The following SATB1 variants were observed in gnomAD, a reference collection of about 807,000 sequenced individuals.
SATB1 encodes the protein SATB homeobox 1, also known as DNA-binding protein SATB1.
SATB1 carries 11 observed loss-of-function variants against 86.9 expected under a neutral mutation model. The observed-to-expected ratio is 0.13, with a 90% confidence interval of 0.08 to 0.21. SATB1 has a LOEUF of 0.21. SATB1 is among the 10% of genes least tolerant of loss of function. The probability of loss-of-function intolerance (pLI) is 1.00; values close to 1 mark genes in which losing one functional copy is unlikely to be tolerated. For missense variants in SATB1, 551 were observed against 937.6 expected, an observed-to-expected ratio of 0.59 and a Z score of 5.39; for synonymous variants, 357 against 357.2, an observed-to-expected ratio of 1.00 and a Z score of 0.01.
At chr3:18,415,815 G>T (rs533536444) in intron 4 of SATB1, among the ~76,000 whole-genome samples, 192 bp downstream of exon 4, 7 of 151,970 alleles carry the variant, frequency 4.6e-5, no homozygotes, top group African/African-American at 1.4e-4. Context: ...GTGTGTGGGG[G>T]GGGGGATTGC....
intron 2 of SATB1, chr3:18,417,535 CA>C: frequency 3.3e-6 from 2 of 613,350 alleles, no homozygotes; most frequent in Non-Finnish European, 5.8e-6. Flanking sequence ...GGTTTGTGTC[CA>C]AACAAATTAT....
At chr3:18,387,247 T>C (rs28448447) in intron 7 of SATB1, among the ~76,000 whole-genome samples, 51,751 of 152,136 alleles carry the variant, frequency 0.34, 9,551 homozygotes, top group Admixed American at 0.47. Context: ...TTCTAAATAC[T>C]ATCTTGCTGT....
rs187101591 is a variant in SATB1 at position 18,415,282 on chromosome 3, C to T, written c.516-48G>A. ...AGGGGATTATTACAAGATTGCATCCCGCTGCAGAACATTCCTTTAAGACAG... is the reference window on the plus strand; with the variant it reads ...AGGGGATTATTACAAGATTGCATCCTGCTGCAGAACATTCCTTTAAGACAG... On this transcript the variant is annotated intron_variant, in intron 4 of 10. Transcript: ENST00000338745. 2.3e-5 allele frequency: 37 copies of T among 1,606,012 alleles called. 2 individuals are homozygous for T. The South Asian group carries it at 3.3e-4, about 14-fold the overall frequency.
intron 3 of SATB1, among the ~76,000 whole-genome samples, chr3:18,416,675 T>A (rs1192624708): frequency 6.6e-6 from 1 of 152,092 alleles, no homozygotes; most frequent in Non-Finnish European, 1.5e-5. Flanking sequence ...TACTAATGAT[T>A]CAGCTGAAGT....
intron 9 of SATB1, among the ~76,000 whole-genome samples, chr3:18,363,123 T>C (rs902677796): frequency 6.6e-6 from 1 of 152,074 alleles, no homozygotes; most frequent in African/African-American, 2.4e-5. Context: ...AATTTAAATA[T>C]TCCCTCTATG....
In SATB1 at chr3:18,443,801, C is replaced by T. The variant is rs1013693548; in HGVS notation, c.-25+1717G>A. On this transcript the variant is annotated intron_variant, in intron 1 of 3. Coordinates refer to the SATB1 transcript ENST00000415069. The surrounding 1 kb of genome is among the most constrained non-coding windows in gnomAD (Gnocchi z 4.4). ...GGGAAACACGGTGTGGACTGCGAGG[C>T]TGCACCTGTGATGTCCCGGCCCCTG... Among the ~76,000 whole-genome samples, 9 of 152,170 alleles carry T rather than the reference C, an allele frequency of 5.9e-5. No individual in the cohort carries two copies. The highest frequency in any genetic ancestry group is 1.3e-4 in the Non-Finnish European group (9 of 68,030).
rs187052317 is a variant in SATB1 at position 18,397,976 on chromosome 3, C to T, written c.640-686G>A. Among the ~76,000 whole-genome samples the T allele has an allele frequency of 1.2e-3, 177 of 152,308 alleles. 1 individual carries two copies. Among genetic ancestry groups the T allele is most frequent in the African/African-American group, 4.2e-3 (176 of 41,574 alleles). On this transcript the variant is annotated intron_variant, in intron 5 of 10. Coordinates refer to ENST00000338745, the MANE Select transcript of SATB1 (RefSeq NM_002971.6). ...CCTCTATCAAGAGAAAAACATTCTG[C>T]AATCTTATTACTGGCTTCATCAATA...
At chr3:18,436,400 ATTGT>A (rs1699061223) in intron 2 of SATB1, among the ~76,000 whole-genome samples, 1 of 151,356 alleles carries the variant, frequency 6.6e-6, no homozygotes. Flanking sequence ...TGACTCCGGT[ATTGT>A]TTGTTACCAC....
upstream of SATB1, among the ~76,000 whole-genome samples, chr3:18,440,801 GA>G (rs1310285670): frequency 2.6e-5 from 4 of 152,144 alleles, no homozygotes; most frequent in Non-Finnish European, 5.9e-5. Flanking sequence ...TTTGGAGTTT[GA>G]AAACCAAATC....
In SATB1 at chr3:18,386,297, A is replaced by G; in HGVS notation, c.1419+102T>C. The G allele has an allele frequency of 1.1e-6, 1 of 907,982 alleles. No individual in the cohort carries two copies. The highest frequency in any genetic ancestry group is 1.7e-5 in the South Asian group (1 of 59,890). 56.2% of individuals were successfully genotyped at this position (907,982 alleles called of 1,614,324 possible). A position where few individuals can be genotyped will look rare whatever the true frequency, so the allele number is the denominator to read the frequency against. ...AGCAACTATACGAATTTAAAAACAT[A>G]TAAATCTATGTATCTATCTATCTAA... On this transcript the variant is annotated intron_variant, in intron 8 of 10. Coordinates refer to ENST00000338745, the MANE Select transcript of SATB1 (RefSeq NM_002971.6). This position sits in a 1 kb window ranked among gnomAD's most constrained non-coding sequence, Gnocchi z 4.5.
intron 9 of SATB1, among the ~76,000 whole-genome samples, chr3:18,365,229 T>A (rs151065568): frequency 6.6e-6 from 1 of 152,322 alleles, no homozygotes; most frequent in Non-Finnish European, 1.5e-5. Context: ...GAATAAAGCA[T>A]CTAAATTGTT....
rs559333859 is a variant in SATB1 at position 18,406,228 on chromosome 3, A to G, written c.639+8883T>C. 2.0e-5 allele frequency among the ~76,000 whole-genome samples: 3 copies of G among 152,072 alleles called. No individual in the cohort carries two copies. In the East Asian group the frequency reaches 5.8e-4, roughly 30 times the overall value. On this transcript the variant is annotated intron_variant, in intron 5 of 10. Coordinates refer to ENST00000338745, the MANE Select transcript of SATB1 (RefSeq NM_002971.6). The stretch of plus-strand genomic sequence containing the variant: ...TAGACCTGTATACAGCTGACTTTAA[A>G]ACACTGCATGTTTATAGCCTTAAAT...
intron 5 of SATB1, among the ~76,000 whole-genome samples, chr3:18,411,300 C>A (rs930547455): frequency 1.1e-4 from 17 of 151,858 alleles, no homozygotes; most frequent in Admixed American, 6.6e-4. Flanking sequence ...GTATGTACGC[C>A]CACATGTGTG....
chr3:18,363,573 G>C lies in SATB1; in HGVS notation c.1576-11378C>G, dbSNP rs1695027754. ...TCCAGGGGAGAATGGCAGCAGTGAA[G>C]CATGACCCTACTCCATCCTTGTGAG... On this transcript the variant is annotated intron_variant, in intron 9 of 10. Coordinates refer to ENST00000338745, the MANE Select transcript of SATB1 (RefSeq NM_002971.6). Among the ~76,000 whole-genome samples the C allele has an allele frequency of 2.6e-5, 4 of 152,242 alleles. No individual in the cohort carries two copies. The South Asian group carries it at 6.2e-4, about 24-fold the overall frequency.
At chr3:18,435,820 G>A (rs966179845) in intron 2 of SATB1, among the ~76,000 whole-genome samples, 1 of 151,960 alleles carries the variant, frequency 6.6e-6, no homozygotes, top group Admixed American at 6.6e-5. Context: ...TTTTTGTCTC[G>A]TGGATGGCAA....
chr3:18,414,506 A>C (rs906682195), intron 5 of SATB1, among the ~76,000 whole-genome samples: 1 of 152,130 alleles, frequency 6.6e-6, no homozygotes, highest in African/African-American at 2.4e-5. Flanking sequence ...TCAGAGGGAA[A>C]AAAGAAAATT....
At position 18,415,990 on chromosome 3, in the gene SATB1, T is replaced by C; in HGVS notation, c.515+17A>G. On this transcript the variant is annotated intron_variant, in intron 4 of 10. Coordinates refer to ENST00000338745, the MANE Select transcript of SATB1 (RefSeq NM_002971.6). Reference sequence around the variant, plus strand: ...GTAAGAAGAATGTTTCACCCTAGATTTGCTGTCTTGACTCACCTGTGTAAC... The same window carrying C: ...GTAAGAAGAATGTTTCACCCTAGATCTGCTGTCTTGACTCACCTGTGTAAC... The C allele has an allele frequency of 6.4e-7, 1 of 1,563,982 alleles. No homozygotes were observed. The highest frequency in any genetic ancestry group is 8.7e-7 in the Non-Finnish European group (1 of 1,148,992).
At chr3:18,353,572 C>A (rs1261806066) in intron 9 of SATB1, among the ~76,000 whole-genome samples, 1 of 151,962 alleles carries the variant, frequency 6.6e-6, no homozygotes, top group Non-Finnish European at 1.5e-5. Flanking sequence ...TTAGATCTAG[C>A]CAAGGAGGGT....
intron 1 of SATB1, 166 bp from the exon 2 acceptor site, chr3:18,421,157 A>G (rs1698380453): frequency 3.5e-6 from 2 of 574,576 alleles, no homozygotes; most frequent in Admixed American, 3.1e-5. Context: ...TCTAGATGAT[A>G]GCATTACATT....
Sources: allele counts gnomAD v4.1 joint callset (sites outside exome capture counted in the v4.1 genomes callset), GRCh38; gene constraint gnomAD v4.1.1; non-coding constraint Gnocchi (gnomAD v3.1); transcripts MANE v1.5; gene names NCBI Gene and HGNC (gene_info 2026-07-23, HGNC 2026-07-21).